The following PIGG variants were observed in gnomAD, a reference collection of about 807,000 sequenced individuals.
PIGG encodes the protein phosphatidylinositol glycan anchor biosynthesis class G (EMM blood group).
A neutral mutation model predicts 83.2 loss-of-function variants in PIGG; 70 were observed. That is an observed-to-expected ratio of 0.84 (90% confidence interval 0.69 to 1.03). The LOEUF is 1.03. Ranked by LOEUF, PIGG falls within the 50% of genes least tolerant of loss-of-function variation. The pLI is 0.00. For missense variants in PIGG, 1,257 were observed against 1,233.6 expected (o/e 1.02, Z -0.28); for synonymous variants, 532 against 519.5 (o/e 1.02, Z -0.33).
chr4:508,161 G>A (rs1720507393), intron 4 of PIGG, among the ~76,000 whole-genome samples: 1 of 152,246 alleles, frequency 6.6e-6, no homozygotes, highest in African/African-American at 2.4e-5. Context: ...ATAAGTATGT[G>A]AGGAGGTGAT....
In PIGG at chr4:516,035, C is replaced by T. The variant is rs901879132; in HGVS notation, c.964C>T (p.Leu322Phe). 3 of 1,614,218 alleles carry T rather than the reference C, an allele frequency of 1.9e-6. No homozygotes were observed. The South Asian group carries it at 3.3e-5, about 18-fold the overall frequency. Reference protein sequence around the residue: ...TDVAATLAIALGLPIPKDSVG... With the variant: ...TDVAATLAIAFGLPIPKDSVG... ...TGTGGCTGCGACACTGGCGATAGCA[C>T]TTGGCTTACCGATTCCAAAAGACAG... is the stretch of plus-strand genomic sequence containing the variant. The change falls in exon 6 of 13, where the codon CTT (leucine) becomes TTT (phenylalanine). Residue 322 changes from leucine to phenylalanine, a missense_variant. Physicochemically the swap from Leu to Phe is conservative, Grantham distance 22. Coordinates refer to ENST00000453061, the MANE Select transcript of PIGG (RefSeq NM_001127178.3).
chr4:536,697 T>G (rs537836518), intron 12 of PIGG: 1 of 152,238 alleles, frequency 6.6e-6, no homozygotes, highest in Non-Finnish European at 1.5e-5. Flanking sequence ...CTCGGCCGTC[T>G]GGGGTGGGCT....
chr4:531,667 G>A (rs1729092949), intron 11 of PIGG: 1 of 152,396 alleles, frequency 6.6e-6, no homozygotes, highest in Admixed American at 6.5e-5. Context: ...AAAGGTGGTA[G>A]GCGTGAAGTT....
intron 1 of PIGG, chr4:499,747 G>A (rs1167237379): frequency 7.5e-7 from 1 of 1,326,424 alleles, no homozygotes; most frequent in African/African-American, 1.5e-5. Flanking sequence ...CCATACCTGG[G>A]ATCCAGCCTC....
At chr4:531,529 C>G (rs1313019280) in intron 11 of PIGG, 1 of 152,712 alleles carries the variant, frequency 6.5e-6, no homozygotes, top group African/African-American at 2.4e-5. Context: ...ATGTGCAGTT[C>G]TTTGTGTCCC....
chr4:524,957 C>A, intron 9 of PIGG: 1 of 153,514 alleles, frequency 6.5e-6, no homozygotes, highest in Non-Finnish European at 1.4e-5. Flanking sequence ...TGTGCCCAGC[C>A]TGAAGGTCCA....
At chr4:535,149 G>A (rs1198921534) in intron 12 of PIGG, among the ~76,000 whole-genome samples, 1 of 152,202 alleles carries the variant, frequency 6.6e-6, no homozygotes, top group Admixed American at 6.5e-5. Context: ...GGAGTGTGGC[G>A]GGGGTGGGTG....
intron 10 of PIGG, 62 bp from the exon 11 acceptor site, chr4:530,374 A>G: frequency 1.6e-6 from 2 of 1,228,824 alleles, no homozygotes; most frequent in Non-Finnish European, 2.4e-6. Context: ...TTTTCATGGG[A>G]AAATGTTTTT....
Position 523,474 on chromosome 4 carries a change from A to G in PIGG, c.1630A>G (p.Ser544Gly), listed in dbSNP as rs762968197. ...NTPRKNPMHP[S>G]SRWSELDLLI... ...CTTTTCACAGAACCCCATGCATCCC[A>G]GCTCAAGGTGGTCAGAGCTAGACCT... The change falls in exon 9 of 13, where the codon AGC becomes GGC. Residue 544 changes from serine (S) to glycine (G), a missense_variant. Coordinates refer to ENST00000453061, the MANE Select transcript of PIGG (RefSeq NM_001127178.3). The G allele has an allele frequency of 7.5e-6, 12 of 1,607,308 alleles. No individual in the cohort carries two copies. In the South Asian group the frequency reaches 1.3e-4, roughly 18 times the overall value.
At position 505,014 on chromosome 4, in the gene PIGG, C is replaced by A. The variant is rs192270123; in HGVS notation, c.361-704C>A. On this transcript the variant is annotated intron_variant, in intron 2 of 12. Transcript: ENST00000453061. The stretch of plus-strand genomic sequence containing the variant: ...CACTCAAAGGTAGACATTGGAATTG[C>A]TGGATTGTTAGGAGTCGTATGGACT... Among the ~76,000 whole-genome samples, 5 of 152,244 alleles carry A rather than the reference C, an allele frequency of 3.3e-5. No homozygotes were observed. The East Asian group carries it at 9.7e-4, about 29-fold the overall frequency.
intron 5 of PIGG, among the ~76,000 whole-genome samples, chr4:509,270 C>G (rs1721011985): frequency 6.6e-6 from 1 of 152,180 alleles, no homozygotes. Context: ...CATGTGTGAA[C>G]TGAAGGAAAC....
At position 527,091 on chromosome 4, in the gene PIGG, G is replaced by C; in HGVS notation, c.2122G>C (p.Val708Leu). 2 of 1,614,086 alleles carry C rather than the reference G, an allele frequency of 1.2e-6. No homozygotes were observed. The highest frequency in any genetic ancestry group is 1.7e-6 in the Non-Finnish European group (2 of 1,179,954). The part of the protein sequence containing the change: ...SVLAALSLLV[V>L]FVLVQRGCSP... ...CCTGGCTGCCCTCTCCCTCCTCGTAGTTTTTGTGCTGGTGCAGAGGGGGTG... is the reference window on the plus strand; with the variant it reads ...CCTGGCTGCCCTCTCCCTCCTCGTACTTTTTGTGCTGGTGCAGAGGGGGTG... Residue 708 changes from valine to leucine, a missense_variant, in exon 10 of 13, where the codon GTT becomes CTT. Val to Leu is a conservative substitution (Grantham distance 32, BLOSUM62 1). Transcript: ENST00000453061.
In PIGG at chr4:534,106, C is replaced by T. The variant is rs952714456; in HGVS notation, c.2735+125C>T. The T allele has an allele frequency of 8.6e-6, 7 of 813,518 alleles. No homozygotes were observed. In the Admixed American group the frequency reaches 1.6e-4, roughly 19 times the overall value. The allele number at this position is 813,518 out of a possible 1,614,324, so 50.4% of individuals were successfully genotyped here. The stretch of plus-strand genomic sequence containing the variant: ...GTCCAACAGTCTTTTCAACAGTTTT[C>T]TTTTCCTTAAATAGGGAACGGTCCA... On this transcript the variant is annotated intron_variant, in intron 12 of 12. Coordinates refer to ENST00000453061, the MANE Select transcript of PIGG (RefSeq NM_001127178.3).
At chr4:516,481 G>A (rs1323094635) in intron 6 of PIGG, among the ~76,000 whole-genome samples, 1 of 152,206 alleles carries the variant, frequency 6.6e-6, no homozygotes, top group Non-Finnish European at 1.5e-5. Context: ...GAGCAGGTAC[G>A]AGGCTCTGCC....
intron 11 of PIGG, 197 bp from the exon 12 acceptor site, chr4:533,621 G>A (rs951253036): frequency 3.3e-6 from 2 of 597,566 alleles, no homozygotes; most frequent in Non-Finnish European, 6.0e-6. Flanking sequence ...AGGGGGAGGG[G>A]GTGCCACCTA....
At chr4:527,455 A>T in intron 10 of PIGG, 1 of 1,299,154 alleles carries the variant, frequency 7.7e-7, no homozygotes, top group Non-Finnish European at 9.7e-7. Flanking sequence ...TTTATGTTTT[A>T]TGTGTTACTT....
At chr4:527,457 G>T (rs1297913029) in intron 10 of PIGG, 8 of 1,295,232 alleles carry the variant, frequency 6.2e-6, no homozygotes, top group Non-Finnish European at 6.8e-6. Context: ...TATGTTTTAT[G>T]TGTTACTTTT....
intron 2 of PIGG, among the ~76,000 whole-genome samples, chr4:503,845 TACACACACACAC>T (rs56841358): frequency 0.029 from 4,225 of 145,644 alleles, 117 homozygotes; most frequent in African/African-American, 0.065. Context: ...TGTGATTTTA[TACACACACACAC>T]ACACACACAC....
At chr4:524,468 C>G (rs1047429108) in intron 9 of PIGG, 2 of 152,800 alleles carry the variant, frequency 1.3e-5, no homozygotes, top group African/African-American at 4.8e-5. Context: ...GAGGGCAAAG[C>G]AGGAGCCAGC....
Sources: gnomAD v4.1 joint callset for allele counts (sites outside exome capture counted in the v4.1 genomes callset) on GRCh38, gnomAD v4.1.1 for gene constraint, MANE v1.5 for transcripts, NCBI Gene and HGNC (gene_info 2026-07-23, HGNC 2026-07-21) for gene names.